The following IFT74 variants were observed in gnomAD, a reference collection of about 807,000 sequenced individuals.
The protein encoded by IFT74 is intraflagellar transport protein 74 homolog.
IFT74 carries 92 observed loss-of-function variants against 96.7 expected under a neutral mutation model. That is an observed-to-expected ratio of 0.95 (90% CI 0.80 to 1.13). The LOEUF (loss-of-function observed/expected upper bound fraction) is 1.13. IFT74 is among the 50% of genes most tolerant of loss of function. The pLI is 0.00. For synonymous variants in IFT74, 223 were observed against 213.2 expected (o/e 1.05, Z -0.40); for missense variants, 811 against 698.2 (o/e 1.16, Z -1.82).
chr9:27,055,794 C>T lies in IFT74; in HGVS notation c.1497+22C>T, dbSNP rs201720401. The T allele has an allele frequency of 6.3e-6, 9 of 1,433,632 alleles. No individual in the cohort carries two copies. In the Admixed American group the frequency reaches 1.9e-4, roughly 30 times the overall value. 88.8% of individuals were successfully genotyped at this position (1,433,632 alleles called of 1,614,324 possible). A position where few individuals can be genotyped will look rare whatever the true frequency, so the allele number is the denominator to read the frequency against. On this transcript the variant is annotated intron_variant, in intron 17 of 19. Transcript: ENST00000380062. The stretch of plus-strand genomic sequence containing the variant: ...AAAGGTAAATGTTAACCAAGTCTTA[C>T]AGAATTACAATTCAGATTGTTTTTT...
upstream of IFT74, among the ~76,000 whole-genome samples, chr9:26,951,895 C>CA (rs937515196): frequency 5.1e-4 from 77 of 150,510 alleles, no homozygotes; most frequent in Admixed American, 2.2e-3. Context: ...AAGACTCTCT[C>CA]AAAAAAAAAC....
chr9:27,037,608 A>C (rs560852861), intron 13 of IFT74, among the ~76,000 whole-genome samples: 12 of 152,214 alleles, frequency 7.9e-5, no homozygotes, highest in Admixed American at 2.6e-4. Flanking sequence ...CTACATCCGT[A>C]AGAGTGTCAA....
intron 2 of IFT74, among the ~76,000 whole-genome samples, chr9:26,976,257 G>A (rs114422069): frequency 1.1e-3 from 170 of 152,228 alleles, no homozygotes; most frequent in African/African-American, 3.8e-3. Flanking sequence ...GGGAATCCCC[G>A]ACAAGCCCCC....
rs1827211387 is a variant in IFT74 at position 26,978,213 on chromosome 9, A to G, written c.206A>G (p.His69Arg). ...CTGTCTTCTCAAATCAAAGTTGCCC[A>G]TCGCCCTGTAACACAACAAGGTTTG... The part of the protein sequence containing the change: ...GVLSSQIKVA[H>R]RPVTQQGLTG... Residue 69 changes from histidine (H) to arginine (R), a missense_variant, in exon 3 of 20, where the codon CAT becomes CGT. By Grantham distance (29) the His-to-Arg change is conservative. Coordinates refer to ENST00000380062, the MANE Select transcript of IFT74 (RefSeq NM_025103.4). 1.2e-6 allele frequency: 2 copies of G among 1,613,750 alleles called. No individual in the cohort carries two copies. Among genetic ancestry groups the G allele is most frequent in the Non-Finnish European group, 1.7e-6 (2 of 1,179,916 alleles).
intron 9 of IFT74, among the ~76,000 whole-genome samples, chr9:27,011,529 T>C (rs1415166618): frequency 6.6e-6 from 1 of 152,086 alleles, no homozygotes; most frequent in Non-Finnish European, 1.5e-5. Flanking sequence ...AAATTTTAAA[T>C]AATAATCTTA....
chr9:26,998,127 T>A, intron 8 of IFT74: 1 of 1,612,102 alleles, frequency 6.2e-7, no homozygotes, highest in Non-Finnish European at 8.5e-7. Context: ...AGAACTCTTG[T>A]GTCTGTACCA....
intron 12 of IFT74, among the ~76,000 whole-genome samples, chr9:27,019,406 G>A (rs960662713): frequency 1.3e-5 from 2 of 151,836 alleles, no homozygotes; most frequent in African/African-American, 4.8e-5. Flanking sequence ...TGTGTGTCAG[G>A]ATGCTTTCAC....
chr9:26,998,353 A>G, intron 8 of IFT74: 1 of 608,810 alleles, frequency 1.6e-6, no homozygotes. Flanking sequence ...TGGGAAAAAA[A>G]CCTACTATCT....
chr9:26,969,847 A>C (rs1374725290), intron 2 of IFT74, among the ~76,000 whole-genome samples: 1 of 152,110 alleles, frequency 6.6e-6, no homozygotes, highest in Admixed American at 6.5e-5. Context: ...GGAATGGCCT[A>C]GTGGTGACAC....
chr9:26,979,901 G>A (rs1047654062), intron 3 of IFT74, among the ~76,000 whole-genome samples: 1 of 151,650 alleles, frequency 6.6e-6, no homozygotes, highest in African/African-American at 2.4e-5. Flanking sequence ...TTTTAGTAGA[G>A]ATGGGGTTTC....
chr9:27,049,112 C>T (rs1819820212), intron 16 of IFT74, among the ~76,000 whole-genome samples: 1 of 152,140 alleles, frequency 6.6e-6, no homozygotes, highest in South Asian at 2.1e-4. Flanking sequence ...CTCCCCTTTG[C>T]CTTCTGTCAT....
At chr9:27,006,981 C>T (rs139256241) in intron 8 of IFT74, among the ~76,000 whole-genome samples, 1,909 of 151,654 alleles carry the variant, frequency 0.013, 37 homozygotes, top group African/African-American at 0.044. Flanking sequence ...GGACTACAGG[C>T]GCCCACCATC....
Position 27,011,912 on chromosome 9 carries a change from G to A in IFT74, c.733G>A (p.Asp245Asn). 1 of 1,559,462 alleles carries A rather than the reference G, an allele frequency of 6.4e-7. No individual in the cohort carries two copies. The highest frequency in any genetic ancestry group is 2.3e-5 in the East Asian group (1 of 42,942). The stretch of plus-strand genomic sequence containing the variant: ...CTTTTTTTTTTCCACTTAGGAATTA[G>A]ATACACTTCAACAACAATTGGATTC... ...TTNEKLLQELDTLQQQLDSQN... is the reference protein window; with the variant it reads ...TTNEKLLQELNTLQQQLDSQN... Residue 245 changes from aspartate (D) to asparagine (N), a missense_variant, in exon 10 of 20, where the codon GAT (aspartate) becomes AAT (asparagine). By Grantham distance (23) the Asp-to-Asn change is conservative (BLOSUM62 1). Transcript: ENST00000380062.
upstream of IFT74, among the ~76,000 whole-genome samples, chr9:26,952,833 A>C (rs967248664): frequency 3.3e-5 from 5 of 152,188 alleles, no homozygotes; most frequent in African/African-American, 1.2e-4. Flanking sequence ...CTACCCTGTC[A>C]TGTTCACTAT....
intron 2 of IFT74, among the ~76,000 whole-genome samples, chr9:26,966,685 A>G (rs1410971405): frequency 2.6e-5 from 4 of 151,874 alleles, no homozygotes; most frequent in East Asian, 1.9e-4. Flanking sequence ...ATGTGATTCT[A>G]TTTGTTCATT....
At chr9:26,947,381 G>A (rs1825773699) in intron 1 of IFT74, 1 of 262,584 alleles carries the variant, frequency 3.8e-6, no homozygotes, top group East Asian at 7.1e-5. Flanking sequence ...GAGAGAAAGA[G>A]GCCCGCCCTT....
chr9:26,968,318 G>A (rs985600472), intron 2 of IFT74, among the ~76,000 whole-genome samples: 1 of 151,090 alleles, frequency 6.6e-6, no homozygotes, highest in African/African-American at 2.4e-5. Context: ...CTGGAGTGCA[G>A]TGACGCAATC....
Position 26,982,675 on chromosome 9 carries a change from G to A in IFT74, c.306-1582G>A, listed in dbSNP as rs184152113. On this transcript the variant is annotated intron_variant, in intron 4 of 19. Transcript: ENST00000380062. ...TCTCAATGTTGGTCAGGCTGGTCTC[G>A]AACTCCCAACCTCAGGTGATCTGCC... Among the ~76,000 whole-genome samples, 88 of 151,982 alleles carry A rather than the reference G, an allele frequency of 5.8e-4. 2 individuals are homozygous for A. Among genetic ancestry groups the A allele is most frequent in the Middle Eastern group, 3.4e-3 (1 of 294 alleles).
chr9:26,990,380 A>C (rs1827811194), intron 8 of IFT74, among the ~76,000 whole-genome samples, 185 bp downstream of exon 8: 2 of 152,134 alleles, frequency 1.3e-5, no homozygotes, highest in Non-Finnish European at 2.9e-5. Flanking sequence ...TAAATACCTA[A>C]ATTCTGTATA....
Sources: gnomAD v4.1 joint callset for allele counts (sites outside exome capture counted in the v4.1 genomes callset) on GRCh38, gnomAD v4.1.1 for gene constraint, MANE v1.5 for transcripts, NCBI Gene and HGNC (gene_info 2026-07-23, HGNC 2026-07-21) for gene names.